ITFG1: variants seen among roughly 807,000 people sequenced by gnomAD.
ITFG1 encodes integrin alpha FG-GAP repeat containing 1.
ITFG1 carries 34 observed loss-of-function variants against 81.8 expected under a neutral mutation model. The observed-to-expected ratio is 0.42, with a 90% CI of 0.32 to 0.55. ITFG1 has a LOEUF of 0.55. Among genes scored for constraint, ITFG1 ranks in the 20% least tolerant of loss-of-function variants. The pLI is 0.17. For synonymous variants in ITFG1, 285 were observed against 270.6 expected, an observed-to-expected ratio of 1.05 and a Z score of -0.52; for missense variants, 672 against 755.4, an observed-to-expected ratio of 0.89 and a Z score of 1.29.
chr16:47,339,098 T>G (rs1220287384), intron 8 of ITFG1, among the ~76,000 whole-genome samples: 1 of 152,248 alleles, frequency 6.6e-6, no homozygotes, highest in Non-Finnish European at 1.5e-5. Context: ...CAGAATGACC[T>G]TCACTTCCCT....
In ITFG1 at chr16:47,348,059, G is replaced by A. The variant is rs143784927; in HGVS notation, c.802+17729C>T. Among the ~76,000 whole-genome samples the A allele has an allele frequency of 4.2e-3, 645 of 152,258 alleles. 6 individuals are homozygous for A. Among genetic ancestry groups the A allele is most frequent in the African/African-American group, 0.015 (612 of 41,536 alleles). ...GGACATCCACACCAAAACCCCATCC[G>A]TACGTCACCATCATCAAAGACAAAA... On this transcript the variant is annotated intron_variant, in intron 8 of 17. Transcript: ENST00000320640.
intron 14 of ITFG1, among the ~76,000 whole-genome samples, chr16:47,175,905 T>C (rs1965018657): frequency 6.6e-6 from 1 of 152,150 alleles, no homozygotes; most frequent in South Asian, 2.1e-4. Flanking sequence ...TGTGTACCAC[T>C]GTGCCCGGCT....
At chr16:47,213,683 G>A (rs1039281835) in intron 14 of ITFG1, among the ~76,000 whole-genome samples, 7 of 152,060 alleles carry the variant, frequency 4.6e-5, no homozygotes, top group East Asian at 1.9e-4. Flanking sequence ...CCACAATGAC[G>A]CTTCTATAAA....
At chr16:47,435,012 C>T (rs895193796) in intron 5 of ITFG1, among the ~76,000 whole-genome samples, 1 of 152,050 alleles carries the variant, frequency 6.6e-6, no homozygotes, top group Non-Finnish European at 1.5e-5. Context: ...GGGAACAGCA[C>T]AAACTGGGGC....
intron 13 of ITFG1, among the ~76,000 whole-genome samples, chr16:47,222,293 T>C (rs1488575975): frequency 2.0e-5 from 3 of 152,028 alleles, no homozygotes; most frequent in Admixed American, 1.3e-4. Flanking sequence ...TGTGTCTTTG[T>C]TCTCGTTGGT....
At chr16:47,281,548 CT>C (rs1966451434) in intron 10 of ITFG1, among the ~76,000 whole-genome samples, 1 of 152,080 alleles carries the variant, frequency 6.6e-6, no homozygotes, top group Non-Finnish European at 1.5e-5. Context: ...AAGTTTTAAT[CT>C]CTTTAATAGT....
chr16:47,363,178 T>C (rs1968131476), intron 8 of ITFG1, among the ~76,000 whole-genome samples: 1 of 152,126 alleles, frequency 6.6e-6, no homozygotes, highest in South Asian at 2.1e-4. Context: ...GCATTACAGG[T>C]GTGAACTATT....
At chr16:47,296,244 TC>T (rs1225969938) in intron 10 of ITFG1, among the ~76,000 whole-genome samples, 2 of 151,774 alleles carry the variant, frequency 1.3e-5, no homozygotes, top group African/African-American at 4.8e-5. Context: ...GCCCTTTTTT[TC>T]TTTTTTTTTT....
At chr16:47,342,041 G>C (rs1357622434) in intron 8 of ITFG1, among the ~76,000 whole-genome samples, 1 of 152,082 alleles carries the variant, frequency 6.6e-6, no homozygotes, top group African/African-American at 2.4e-5. Context: ...AAAAAGAAGA[G>C]GAAGAAACAC....
chr16:47,189,882 C>T (rs866586549), intron 14 of ITFG1, among the ~76,000 whole-genome samples: 28 of 152,222 alleles, frequency 1.8e-4, no homozygotes, highest in Middle Eastern at 6.8e-3. Flanking sequence ...CAAAGGGATA[C>T]AATAAAGGAA....
chr16:47,246,774 G>A (rs1966006762), intron 12 of ITFG1, among the ~76,000 whole-genome samples: 1 of 152,052 alleles, frequency 6.6e-6, no homozygotes, highest in Admixed American at 6.6e-5. Context: ...TTTTAGCTTT[G>A]GTTTTACCAC....
At chr16:47,204,882 A>G (rs1567422738) in intron 14 of ITFG1, among the ~76,000 whole-genome samples, 1 of 152,226 alleles carries the variant, frequency 6.6e-6, no homozygotes, top group Non-Finnish European at 1.5e-5. Flanking sequence ...GAGGAGTGTC[A>G]GGAACTAAGC....
intron 14 of ITFG1, among the ~76,000 whole-genome samples, chr16:47,193,377 T>C (rs536154988): frequency 2.6e-5 from 4 of 152,156 alleles, no homozygotes; most frequent in Non-Finnish European, 5.9e-5. Flanking sequence ...TTTCGTTTCT[T>C]CTGTTTCAAC....
At chr16:47,366,075 T>C (rs1365271693) in intron 7 of ITFG1, among the ~76,000 whole-genome samples, 1 of 152,198 alleles carries the variant, frequency 6.6e-6, no homozygotes, top group Non-Finnish European at 1.5e-5. Context: ...GAATGTGGTA[T>C]GCTTTCCTTG....
chr16:47,181,680 T>G (rs1277846730), intron 14 of ITFG1, among the ~76,000 whole-genome samples: 1 of 151,498 alleles, frequency 6.6e-6, no homozygotes, highest in Non-Finnish European at 1.5e-5. Flanking sequence ...ATCTGGGAGG[T>G]GTACCCAACA....
At chr16:47,249,542 T>A (rs1327930753) in intron 12 of ITFG1, among the ~76,000 whole-genome samples, 1 of 152,184 alleles carries the variant, frequency 6.6e-6, no homozygotes, top group Non-Finnish European at 1.5e-5. Flanking sequence ...AAACCAAATT[T>A]GTTTTTAAAG....
rs1039703402 is a variant in ITFG1 at position 47,396,113 on chromosome 16, C to T, written c.656-20173G>A. 3 of 962,082 alleles carry T rather than the reference C, an allele frequency of 3.1e-6. No individual in the cohort carries two copies. The African/African-American group carries it at 5.3e-5, about 17-fold the overall frequency. The allele number at this position is 962,082 out of a possible 1,614,324, so 59.6% of individuals were successfully genotyped here. A position where few individuals can be genotyped will look rare whatever the true frequency, so the allele number is the denominator to read the frequency against. On this transcript the variant is annotated intron_variant, in intron 6 of 17. Transcript: ENST00000320640. ...GCAGAAAACACTCACCTATCCCTTT[C>T]CATTTTCTTAAGTATAGTGTGGTGG...
rs1965386376 is a variant in ITFG1, at chr16:47,198,672, G to A, written c.1453+20196C>T. ...TCATAGGAGATGGACAGCTCCAAGG[G>A]TGTTTATTGCCCCTGAAGACTTTCT... On this transcript the variant is annotated intron_variant, in intron 14 of 17. Coordinates refer to ENST00000320640, the MANE Select transcript of ITFG1 (RefSeq NM_030790.5). Among the ~76,000 whole-genome samples, 3 of 146,750 alleles carry A rather than the reference G, an allele frequency of 2.0e-5. No individual in the cohort carries two copies. In the South Asian group the frequency reaches 6.3e-4, roughly 31 times the overall value.
Position 47,425,738 on chromosome 16 carries a change from G to A in ITFG1, c.655+3066C>T, listed in dbSNP as rs546748472. 124 of 152,072 alleles carry A rather than the reference G, an allele frequency of 8.2e-4. 1 individual carries two copies. The highest frequency in any genetic ancestry group is 2.2e-3 in the Admixed American group (34 of 15,264). 9.4% of individuals were successfully genotyped at this position (152,072 alleles called of 1,614,324 possible). Reference sequence around the variant, plus strand: ...TTCTTGAGTAGCTGGGGTCACAGGCGTGTGCCACCATGCCTGGCTAATTTT... The same window carrying A: ...TTCTTGAGTAGCTGGGGTCACAGGCATGTGCCACCATGCCTGGCTAATTTT... On this transcript the variant is annotated intron_variant, in intron 6 of 17. Transcript: ENST00000320640.
Sources: allele counts gnomAD v4.1 joint callset (sites outside exome capture counted in the v4.1 genomes callset), GRCh38; gene constraint gnomAD v4.1.1; transcripts MANE v1.5; gene names NCBI Gene and HGNC (gene_info 2026-07-23, HGNC 2026-07-21).